FREM2: variants seen among roughly 807,000 people sequenced by gnomAD.
FREM2 encodes FRAS1 related extracellular matrix 2.
Under a neutral mutation model 219.9 loss-of-function variants are expected in FREM2, and 119 were observed. That is an observed-to-expected ratio of 0.54 (90% CI 0.47 to 0.63). FREM2 has a LOEUF of 0.63. FREM2 is among the 30% of genes least tolerant of loss of function. The probability of loss-of-function intolerance (pLI) is 0.00; values close to 1 mark genes in which losing one functional copy is unlikely to be tolerated. For synonymous variants in FREM2, 1,562 were observed against 1,522.8 expected, an observed-to-expected ratio of 1.03 and a Z score of -0.60; for missense variants, 4,030 against 3,993.6, an observed-to-expected ratio of 1.01 and a Z score of -0.25.
chr13:38,876,397 A>G lies in FREM2; in HGVS notation c.8544+15A>G, dbSNP rs1376208538. On this transcript the variant is annotated intron_variant, in intron 20 of 23. Coordinates refer to ENST00000280481, the MANE Select transcript of FREM2 (RefSeq NM_207361.6). The stretch of plus-strand genomic sequence containing the variant: ...GATTCCAACAGGTGTGGCTTATAGA[A>G]TTACTATCTTATGACTTGCAGAATC... 6 of 1,610,274 alleles carry G rather than the reference A, an allele frequency of 3.7e-6. No individual in the cohort carries two copies. Among genetic ancestry groups the G allele is most frequent in the South Asian group, 1.1e-5 (1 of 91,004 alleles).
intron 6 of FREM2, among the ~76,000 whole-genome samples, chr13:38,823,265 T>C (rs140221872): frequency 1.3e-5 from 2 of 152,218 alleles, no homozygotes; most frequent in Admixed American, 1.3e-4. Context: ...GCCTGGATTC[T>C]TGCACTTGCC....
chr13:38,872,378 C>A (rs1365112717), intron 16 of FREM2, among the ~76,000 whole-genome samples: 7 of 152,220 alleles, frequency 4.6e-5, no homozygotes, highest in Admixed American at 3.9e-4. Flanking sequence ...GGTTGCACAG[C>A]TCCTTAAATA....
rs766835962 is a variant in FREM2, at chr13:38,880,513, C to T, written c.9236C>T (p.Ala3079Val). 13 of 1,614,128 alleles carry T rather than the reference C, an allele frequency of 8.1e-6. No homozygotes were observed. Among genetic ancestry groups the T allele is most frequent in the East Asian group, 4.5e-5 (2 of 44,868 alleles). ...NSRGTNIQHI[A>V]LDRTKRQIPH... is the part of the protein sequence containing the mutation. ...CGAGGAACAAACATCCAGCACATTG[C>T]CCTGGACCGCACCAAGAGGCAGATC... Residue 3079 changes from alanine (A) to valine (V), a missense_variant, in exon 24 of 24, where the codon GCC becomes GTC. Physicochemically the swap from Ala to Val is moderately conservative, Grantham distance 64. This residue lies in a region of FREM2 where 928 missense variants were observed against 1,042.9 expected (regional missense o/e 0.89). Transcript: ENST00000280481.
rs1877022269 is a variant in FREM2 at position 38,843,151 on chromosome 13, A to C, written c.6020-3422A>C. Among the ~76,000 whole-genome samples, 3 of 152,322 alleles carry C rather than the reference A, an allele frequency of 2.0e-5. No individual in the cohort carries two copies. In the South Asian group the frequency reaches 6.2e-4, roughly 32 times the overall value. On this transcript the variant is annotated intron_variant, in intron 6 of 23. Coordinates refer to ENST00000280481, the MANE Select transcript of FREM2 (RefSeq NM_207361.6). ...AGTGTCATCTGAGGGTGGTGGAGTGATGAGCAAGGACTGTTTTATGGTCTT... is the reference window on the plus strand; with the variant it reads ...AGTGTCATCTGAGGGTGGTGGAGTGCTGAGCAAGGACTGTTTTATGGTCTT...
intron 16 of FREM2, among the ~76,000 whole-genome samples, chr13:38,866,125 C>T (rs9576632): frequency 0.25 from 38,503 of 151,984 alleles, 6,092 homozygotes; most frequent in African/African-American, 0.44. Context: ...TTGTTGCTTA[C>T]ATCACAGCAT....
chr13:38,788,789 T>C (rs1593408731), intron 6 of FREM2, among the ~76,000 whole-genome samples: 1 of 152,150 alleles, frequency 6.6e-6, no homozygotes, highest in Non-Finnish European at 1.5e-5. Flanking sequence ...CCATTTAGAA[T>C]AATGTATACT....
At chr13:38,786,387 A>T (rs1283067271) in intron 6 of FREM2, among the ~76,000 whole-genome samples, 3 of 152,232 alleles carry the variant, frequency 2.0e-5, no homozygotes, top group Non-Finnish European at 2.9e-5. Context: ...CCTTAAATTT[A>T]TATAATACCC....
chr13:38,718,895 T>C (rs1871114072), intron 2 of FREM2, among the ~76,000 whole-genome samples: 1 of 152,212 alleles, frequency 6.6e-6, no homozygotes, highest in African/African-American at 2.4e-5. Context: ...GAGCAGTCAG[T>C]CGTTTCTAGT....
intron 6 of FREM2, among the ~76,000 whole-genome samples, chr13:38,845,465 A>G (rs1276980302): frequency 6.6e-6 from 1 of 152,236 alleles, no homozygotes. Flanking sequence ...AACTAGAGCC[A>G]GGTGACTAGA....
intron 23 of FREM2, 144 bp downstream of exon 23, chr13:38,879,121 C>T: frequency 1.2e-6 from 1 of 843,418 alleles, no homozygotes. Context: ...TAAGATATGG[C>T]AAATAAACTA....
At chr13:38,716,391 G>A (rs1330690307) in intron 2 of FREM2, among the ~76,000 whole-genome samples, 1 of 152,128 alleles carries the variant, frequency 6.6e-6, no homozygotes, top group Non-Finnish European at 1.5e-5. Context: ...TGCATATCTT[G>A]GTGATTCCTT....
In FREM2 at chr13:38,690,841, G is replaced by T. The variant is rs193921142; in HGVS notation, c.3497G>T (p.Arg1166Leu). Residue 1166 changes from arginine (R) to leucine (L), a missense_variant, in exon 1 of 24, where the codon CGT becomes CTT. Coordinates refer to ENST00000280481, the MANE Select transcript of FREM2 (RefSeq NM_207361.6). ...CCTGTGGAGGACCGATTTGTATTTC[G>T]TTGTTCTGATGGCATTAACTTTTCA... is the stretch of plus-strand genomic sequence containing the variant. The part of the protein sequence containing the change: ...VEPVEDRFVF[R>L]CSDGINFSER... 1 of 1,614,150 alleles carries T rather than the reference G, an allele frequency of 6.2e-7. No individual in the cohort carries two copies. Among genetic ancestry groups the T allele is most frequent in the African/African-American group, 1.3e-5 (1 of 75,040 alleles).
At chr13:38,747,760 A>T (rs565188358) in intron 2 of FREM2, among the ~76,000 whole-genome samples, 5 of 152,294 alleles carry the variant, frequency 3.3e-5, no homozygotes, top group Admixed American at 3.3e-4. Context: ...GGAAACAGTT[A>T]CTGATCAGGG....
chr13:38,880,802 A>G lies in FREM2; in HGVS notation c.*15A>G, dbSNP rs1055351872. ...CAGAAGTTTGATGACTGCAGGTAGAATTCAACCTTTTCCGTAAGTGCCTCG... is the reference window on the plus strand; with the variant it reads ...CAGAAGTTTGATGACTGCAGGTAGAGTTCAACCTTTTCCGTAAGTGCCTCG... On this transcript the variant is annotated 3_prime_UTR_variant, in exon 24 of 24. Coordinates refer to ENST00000280481, the MANE Select transcript of FREM2 (RefSeq NM_207361.6). 7 of 1,613,910 alleles carry G rather than the reference A, an allele frequency of 4.3e-6. No homozygotes were observed. The African/African-American group carries it at 6.7e-5, about 15-fold the overall frequency.
Position 38,722,141 on chromosome 13 carries a change from T to C in FREM2, c.5263+24354T>C, listed in dbSNP as rs370079248. Among the ~76,000 whole-genome samples, 66 of 152,186 alleles carry C rather than the reference T, an allele frequency of 4.3e-4. No individual in the cohort carries two copies. In the South Asian group the frequency reaches 0.013, roughly 31 times the overall value. ...CTCAAGAGATCTTCCTGCCTCCGCC[T>C]CCCTAGTAGCTGAGCACCGTGCCTG... On this transcript the variant is annotated intron_variant, in intron 2 of 23. Coordinates refer to ENST00000280481, the MANE Select transcript of FREM2 (RefSeq NM_207361.6).
At chr13:38,729,942 C>T (rs570332931) in intron 2 of FREM2, among the ~76,000 whole-genome samples, 1 of 152,274 alleles carries the variant, frequency 6.6e-6, no homozygotes, top group South Asian at 2.1e-4. Flanking sequence ...AAACAATAGT[C>T]AGAATAAAGC....
At chr13:38,741,372 A>G (rs187600101) in intron 2 of FREM2, among the ~76,000 whole-genome samples, 16 of 152,308 alleles carry the variant, frequency 1.1e-4, no homozygotes, top group Admixed American at 9.2e-4. Flanking sequence ...AGAAATCAGT[A>G]TATCCAGCAA....
chr13:38,744,083 A>T (rs1872362062), intron 2 of FREM2, among the ~76,000 whole-genome samples: 1 of 152,176 alleles, frequency 6.6e-6, no homozygotes, highest in Non-Finnish European at 1.5e-5. Flanking sequence ...GAATAAACAC[A>T]AAGATATTTT....
chr13:38,885,460 C>T lies in FREM2; in HGVS notation c.*4673C>T, dbSNP rs886050210. On this transcript the variant is annotated 3_prime_UTR_variant, in exon 24 of 24. Transcript: ENST00000280481. The stretch of plus-strand genomic sequence containing the variant: ...GTTTGCTAAAGAACAATAACAACAA[C>T]AAAGCTGGTCCAGCCCTGACACCTA... The T allele has an allele frequency of 3.9e-5, 6 of 152,140 alleles. No individual in the cohort carries two copies. Among genetic ancestry groups the T allele is most frequent in the Non-Finnish European group, 4.4e-5 (3 of 67,992 alleles). 9.4% of individuals were successfully genotyped at this position (152,140 alleles called of 1,614,324 possible).
Sources: allele counts gnomAD v4.1 joint callset (sites outside exome capture counted in the v4.1 genomes callset), GRCh38; gene constraint gnomAD v4.1.1; regional missense constraint gnomAD v4.1.1; transcripts MANE v1.5; gene names NCBI Gene and HGNC (gene_info 2026-07-23, HGNC 2026-07-21).